The following TDO2 variants were observed in gnomAD, a reference collection of about 807,000 sequenced individuals.
TDO2 encodes the protein tryptophan 2,3-dioxygenase, also known as tryptamin 2,3-dioxygenase.
A neutral mutation model predicts 61.2 loss-of-function variants in TDO2; 63 were observed. The ratio of observed to expected loss-of-function variants is 1.03; its 90% CI spans 0.84 to 1.27. TDO2 has a LOEUF of 1.27. Ranked by LOEUF, TDO2 falls within the 50% of genes most tolerant of loss-of-function variation. The probability of loss-of-function intolerance (pLI) is 0.00; values close to 1 mark genes in which losing one functional copy is unlikely to be tolerated. For synonymous variants in TDO2, 183 were observed against 164.0 expected (o/e 1.12, Z -0.89); for missense variants, 494 against 469.5 (o/e 1.05, Z -0.48).
Position 155,903,800 on chromosome 4 carries a change from A to T in TDO2, c.35+7A>T. The T allele has an allele frequency of 6.2e-7, 1 of 1,614,094 alleles. No individual in the cohort carries two copies. ...TTTTAGGAAACAACTTTGGGTGAGTATTTACCTTTATTCTAAGTGGGTTTT... is the reference window on the plus strand; with the variant it reads ...TTTTAGGAAACAACTTTGGGTGAGTTTTTACCTTTATTCTAAGTGGGTTTT... On this transcript the variant is annotated splice_region_variant and intron_variant, in intron 1 of 11. Transcript: ENST00000536354.
Position 155,913,830 on chromosome 4 carries a change from AATAG to A in TDO2, c.727-483_727-480del, listed in dbSNP as rs35493540. 8.2e-3 allele frequency among the ~76,000 whole-genome samples: 1,249 copies of A among 152,240 alleles called. 16 individuals are homozygous for A. Among genetic ancestry groups the A allele is most frequent in the African/African-American group, 0.029 (1,196 of 41,566 alleles). On this transcript the variant is annotated intron_variant, in intron 7 of 11. Coordinates refer to ENST00000536354, the MANE Select transcript of TDO2 (RefSeq NM_005651.4). ...AAATAAGAATTTTCTTAAACCAATC[AATAG>A]ATAGATAGAAAATGAATAAAACATG... is the stretch of plus-strand genomic sequence containing the variant.
At chr4:155,918,298 C>A (rs560698994) in intron 11 of TDO2, 59 bp downstream of exon 11, 1 of 1,540,300 alleles carries the variant, frequency 6.5e-7, no homozygotes, top group Non-Finnish European at 9.0e-7. Flanking sequence ...TGTTTCTCCA[C>A]CTATACATTT....
chr4:155,914,158 C>T (rs1449447189), intron 7 of TDO2, among the ~76,000 whole-genome samples, 165 bp from the exon 8 acceptor site: 2 of 151,974 alleles, frequency 1.3e-5, no homozygotes, highest in Non-Finnish European at 2.9e-5. Context: ...TGGAAGATTC[C>T]TTCTCATAAG....
intron 9 of TDO2, among the ~76,000 whole-genome samples, chr4:155,916,952 T>TA (rs1046657945): frequency 2.0e-5 from 3 of 149,278 alleles, no homozygotes; most frequent in African/African-American, 7.3e-5. Flanking sequence ...GAAATAGATG[T>TA]AAAAAAACAA....
Position 155,910,044 on chromosome 4 carries a change from T to C in TDO2, c.451T>C (p.Ser151Pro), listed in dbSNP as rs1742801281. The C allele has an allele frequency of 6.4e-7, 1 of 1,566,604 alleles. No individual in the cohort carries two copies. The highest frequency in any genetic ancestry group is 1.4e-5 in the African/African-American group (1 of 70,538). Reference protein sequence around the residue: ...NDFREYLSPASGFQSLQFRLL... With the variant: ...NDFREYLSPAPGFQSLQFRLL... ...TCAAAGAGAGTACTTATCTCCAGCA[T>C]CAGGCTTCCAGAGTTTGCAATTCCG... Residue 151 changes from serine to proline, a missense_variant, in exon 6 of 12, where the codon TCA becomes CCA. By Grantham distance (74) the Ser-to-Pro change is moderately conservative. Transcript: ENST00000536354.
chr4:155,917,460 T>C lies in TDO2; in HGVS notation c.962T>C (p.Met321Thr), dbSNP rs1742963695. The C allele has an allele frequency of 1.9e-6, 3 of 1,611,692 alleles. No homozygotes were observed. The highest frequency in any genetic ancestry group is 2.5e-6 in the Non-Finnish European group (3 of 1,179,026). ...TCTCTTATGGACATAGATTCACTGA[T>C]GACCAAATGGAGATGTAAGTCCTTC... ...LTSLMDIDSL[M>T]TKWRYNHVCM... The change falls in exon 10 of 12, where the codon ATG becomes ACG. Residue 321 changes from methionine to threonine, a missense_variant. Physicochemically the swap from Met to Thr is moderately conservative, Grantham distance 81 (BLOSUM62 -1). Coordinates refer to ENST00000536354, the MANE Select transcript of TDO2 (RefSeq NM_005651.4).
chr4:155,908,839 T>G (rs1477763791), intron 4 of TDO2, 48 bp from the exon 5 acceptor site: 1 of 1,551,550 alleles, frequency 6.4e-7, no homozygotes, highest in Non-Finnish European at 8.7e-7. Context: ...TTTTGTATTT[T>G]CTAGAGGTCA....
At position 155,910,181 on chromosome 4, in the gene TDO2, G is replaced by A. The variant is rs773821631; in HGVS notation, c.588G>A (p.Glu196=). 2.5e-5 allele frequency: 39 copies of A among 1,586,976 alleles called. No individual in the cohort carries two copies. In the Middle Eastern group the frequency reaches 8.4e-4, roughly 34 times the overall value. Residue 196 remains glutamate (E), a synonymous_variant, in exon 6 of 12, where the codon GAG becomes GAA. Coordinates refer to ENST00000536354, the MANE Select transcript of TDO2 (RefSeq NM_005651.4). ...GEENELLLKS[E]QEKTLLELVE... is the part of the protein sequence containing the mutation. The stretch of plus-strand genomic sequence containing the variant: ...AAAATGAACTGCTACTTAAATCTGA[G>A]CAGGAAAAGACACTTCTGGAATTAG...
chr4:155,906,415 T>C (rs1322048442), intron 3 of TDO2: 1 of 152,192 alleles, frequency 6.6e-6, no homozygotes. Context: ...AAAGTCTTTT[T>C]AAACATAACT....
At position 155,904,002 on chromosome 4, in the gene TDO2, T is replaced by C. The variant is rs368767491; in HGVS notation, c.36-16T>C. ...CTAAAGCACTATTTTTCCCTCTTGA[T>C]TTATTAAATTTGCAGATATACTTTT... On this transcript the variant is annotated splice_polypyrimidine_tract_variant and intron_variant, in intron 1 of 11. Transcript: ENST00000536354. 28 of 1,606,834 alleles carry C rather than the reference T, an allele frequency of 1.7e-5. No homozygotes were observed. The African/African-American group carries it at 2.8e-4, about 16-fold the overall frequency.
intron 5 of TDO2, among the ~76,000 whole-genome samples, chr4:155,909,240 C>A (rs147842155): frequency 2.6e-5 from 4 of 152,248 alleles, no homozygotes; most frequent in Non-Finnish European, 5.9e-5. Flanking sequence ...GATTTAAATT[C>A]ATCACTGTGT....
chr4:155,915,812 C>T, intron 8 of TDO2, 43 bp from the exon 9 acceptor site: 2 of 1,552,882 alleles, frequency 1.3e-6, no homozygotes, highest in South Asian at 1.2e-5. Flanking sequence ...ACAAAATTAC[C>T]TTAAATGACC....
intron 8 of TDO2, 69 bp from the exon 9 acceptor site, chr4:155,915,786 A>C: frequency 7.4e-7 from 1 of 1,345,146 alleles, no homozygotes; most frequent in East Asian, 2.5e-5. Context: ...TTTTAAGATG[A>C]CGATGCCAAA....
At chr4:155,904,670 G>A (rs28369464) in intron 2 of TDO2, among the ~76,000 whole-genome samples, 4,559 of 152,016 alleles carry the variant, frequency 0.03, 166 homozygotes, top group African/African-American at 0.085. Context: ...TGTCTTCATC[G>A]GTGAGTTTCT....
Position 155,910,150 on chromosome 4 carries a change from G to A in TDO2, c.557G>A (p.Gly186Glu), listed in dbSNP as rs200816290. Reference sequence around the variant, plus strand: ...AGACATTATCGTGATAACTTCAAAGGAGAAGAAAATGAACTGCTACTTAAA... The same window carrying A: ...AGACATTATCGTGATAACTTCAAAGAAGAAGAAAATGAACTGCTACTTAAA... ...NRRHYRDNFK[G>E]EENELLLKSE... is the part of the protein sequence containing the mutation. The change falls in exon 6 of 12, where the codon GGA (glycine) becomes GAA (glutamate). Residue 186 changes from glycine (G) to glutamate (E), a missense_variant. Coordinates refer to ENST00000536354, the MANE Select transcript of TDO2 (RefSeq NM_005651.4). 1.2e-4 allele frequency: 194 copies of A among 1,598,108 alleles called. No homozygotes were observed. Among genetic ancestry groups the A allele is most frequent in the Non-Finnish European group, 1.5e-4 (175 of 1,174,694 alleles).
intron 6 of TDO2, 141 bp downstream of exon 6, chr4:155,910,352 A>G (rs1742809184): frequency 3.3e-6 from 2 of 615,334 alleles, no homozygotes; most frequent in Non-Finnish European, 2.6e-6. Flanking sequence ...ATAAAAATAC[A>G]TGAATTTGTA....
chr4:155,912,105 A>T (rs769299718), intron 7 of TDO2, among the ~76,000 whole-genome samples: 1 of 152,154 alleles, frequency 6.6e-6, no homozygotes, highest in African/African-American at 2.4e-5. Flanking sequence ...ACTTGTTTAA[A>T]TTCTACATCT....
At chr4:155,919,502 C>T (rs1743004945) in intron 11 of TDO2, among the ~76,000 whole-genome samples, 1 of 152,026 alleles carries the variant, frequency 6.6e-6, no homozygotes, top group South Asian at 2.1e-4. Context: ...AATGTATTAC[C>T]TTGCATAGCA....
rs1437662924 is a variant in TDO2, at chr4:155,904,122, A to G, written c.140A>G (p.His47Arg). The G allele has an allele frequency of 4.3e-6, 7 of 1,610,844 alleles. No homozygotes were observed. Among genetic ancestry groups the G allele is most frequent in the East Asian group, 2.2e-5 (1 of 44,852 alleles). ...KGGLIYGNYL[H>R]LEKVLNAQEL... ...GGTCTTATCTATGGGAACTACCTGC[A>G]TGTAAGTGGCAGGGTCCTTACAGGG... The change falls in exon 2 of 12, where the codon CAT becomes CGT. Residue 47 changes from histidine (H) to arginine (R), a missense_variant and splice_region_variant. Physicochemically the swap from His to Arg is conservative, Grantham distance 29. Coordinates refer to ENST00000536354, the MANE Select transcript of TDO2 (RefSeq NM_005651.4).
Sources: gnomAD v4.1 joint callset for allele counts (sites outside exome capture counted in the v4.1 genomes callset) on GRCh38, gnomAD v4.1.1 for gene constraint, MANE v1.5 for transcripts, NCBI Gene and HGNC (gene_info 2026-07-23, HGNC 2026-07-21) for gene names.